The following NEGR1 variants were observed in gnomAD, a reference collection of about 807,000 sequenced individuals.
NEGR1 encodes the protein neuronal growth regulator 1, also known as IgLON family member 4.
A neutral mutation model predicts 40.9 loss-of-function variants in NEGR1; 10 were observed. That is an observed-to-expected ratio of 0.24 (90% CI 0.15 to 0.42). The LOEUF (loss-of-function observed/expected upper bound fraction) is 0.42. Among genes scored for constraint, NEGR1 ranks in the 10% least tolerant of loss-of-function variants. NEGR1 has a pLI of 1.00. For missense variants in NEGR1, 352 were observed against 438.9 expected (o/e 0.80, Z 1.77); for synonymous variants, 185 against 166.8 (o/e 1.11, Z -0.84).
intron 1 of NEGR1, among the ~76,000 whole-genome samples, chr1:72,085,696 G>A (rs547891582): frequency 3.9e-5 from 6 of 152,162 alleles, no homozygotes; most frequent in East Asian, 1.9e-4. Context: ...CCGGCCAGGC[G>A]CAGTGGCTCA....
chr1:72,113,487 T>A (rs1175811867), intron 1 of NEGR1, among the ~76,000 whole-genome samples: 2 of 151,404 alleles, frequency 1.3e-5, no homozygotes, highest in African/African-American at 4.8e-5. Context: ...GAAATATAAA[T>A]ACACTTAGAA....
intron 6 of NEGR1, among the ~76,000 whole-genome samples, chr1:71,481,753 G>C (rs920136141): frequency 7.2e-5 from 11 of 151,746 alleles, no homozygotes; most frequent in Non-Finnish European, 1.2e-4. Context: ...AGCATTTTTT[G>C]AGGTGCTATT....
chr1:72,067,150 G>T (rs970024599), intron 1 of NEGR1, among the ~76,000 whole-genome samples: 7 of 152,058 alleles, frequency 4.6e-5, no homozygotes, highest in African/African-American at 1.7e-4. Flanking sequence ...ACATGGAAAA[G>T]ATCGATTTGA....
At position 71,401,968 on chromosome 1, in the gene NEGR1, A is replaced by G. The variant is rs1173240942; in HGVS notation, c.*5478T>C. ...ACCCTCTGCAGGTATTGGAAAATAC[A>G]AGGATGTCATAAATATCTATATTTA... On this transcript the variant is annotated 3_prime_UTR_variant, in exon 7 of 7. Coordinates refer to ENST00000357731, the MANE Select transcript of NEGR1 (RefSeq NM_173808.3). The G allele has an allele frequency of 2.0e-5, 3 of 152,078 alleles. No homozygotes were observed. Among genetic ancestry groups the G allele is most frequent in the Non-Finnish European group, 4.4e-5 (3 of 68,006 alleles). 9.4% of individuals were successfully genotyped at this position (152,078 alleles called of 1,614,324 possible).
intron 1 of NEGR1, among the ~76,000 whole-genome samples, chr1:72,281,639 G>A (rs1331334239): frequency 6.6e-6 from 1 of 151,418 alleles, no homozygotes; most frequent in Admixed American, 6.6e-5. Flanking sequence ...GAGGAGGAAA[G>A]GGGATTAAAT....
At chr1:71,523,353 G>C (rs1647175556) in intron 6 of NEGR1, among the ~76,000 whole-genome samples, 1 of 151,844 alleles carries the variant, frequency 6.6e-6, no homozygotes, top group Non-Finnish European at 1.5e-5. Context: ...CTGGGTTGTT[G>C]GGTAAGTTGT....
intron 1 of NEGR1, among the ~76,000 whole-genome samples, chr1:72,184,423 C>G (rs1652534114): frequency 6.6e-6 from 1 of 151,918 alleles, no homozygotes. Context: ...TGTGCAAGAG[C>G]TTTTCACAGG....
intron 1 of NEGR1, among the ~76,000 whole-genome samples, chr1:71,950,923 C>G (rs1039182533): frequency 1.3e-5 from 2 of 151,802 alleles, no homozygotes; most frequent in Non-Finnish European, 2.9e-5. Context: ...TAATTATGAA[C>G]CTTTGAAAGA....
intron 3 of NEGR1, among the ~76,000 whole-genome samples, chr1:71,709,377 T>G (rs970781029): frequency 6.6e-6 from 1 of 152,236 alleles, no homozygotes; most frequent in Non-Finnish European, 1.5e-5. Context: ...ATTGTGTTTC[T>G]GATTTGCATT....
At chr1:71,438,719 G>A (rs1646526767) in intron 6 of NEGR1, among the ~76,000 whole-genome samples, 1 of 152,186 alleles carries the variant, frequency 6.6e-6, no homozygotes, top group African/African-American at 2.4e-5. Flanking sequence ...TATCAAAGAA[G>A]CCTAGTAATC....
At chr1:71,781,948 A>G (rs1380396692) in intron 2 of NEGR1, among the ~76,000 whole-genome samples, 1 of 152,176 alleles carries the variant, frequency 6.6e-6, no homozygotes, top group East Asian at 1.9e-4. Context: ...TTTACCACAA[A>G]GAAGAAACAG....
At chr1:71,748,816 T>C (rs568906474) in intron 3 of NEGR1, among the ~76,000 whole-genome samples, 20 of 152,256 alleles carry the variant, frequency 1.3e-4, no homozygotes, top group African/African-American at 3.4e-4. Flanking sequence ...CTCTAATGCA[T>C]AGAAGGACTG....
At chr1:71,624,871 T>C (rs1038299823) in intron 4 of NEGR1, among the ~76,000 whole-genome samples, 4 of 151,970 alleles carry the variant, frequency 2.6e-5, no homozygotes, top group African/African-American at 9.7e-5. Flanking sequence ...ACATGGTATA[T>C]ATTTACTTCT....
intron 3 of NEGR1, among the ~76,000 whole-genome samples, chr1:71,725,590 T>TA (rs546726413): frequency 2.4e-4 from 36 of 152,034 alleles, no homozygotes; most frequent in African/African-American, 5.3e-4. Flanking sequence ...ATTTTCAAAT[T>TA]AAAAAAAATA....
chr1:72,075,101 T>C (rs1311958260), intron 1 of NEGR1, among the ~76,000 whole-genome samples: 1 of 152,158 alleles, frequency 6.6e-6, no homozygotes, highest in African/African-American at 2.4e-5. Context: ...ATTTTCCTAA[T>C]AAATTAATTT....
At chr1:71,795,893 T>A (rs1198639158) in intron 2 of NEGR1, among the ~76,000 whole-genome samples, 4 of 152,182 alleles carry the variant, frequency 2.6e-5, no homozygotes, top group African/African-American at 9.7e-5. Context: ...TAAAATATAC[T>A]GTGAAATACA....
chr1:72,109,896 A>T, intron 1 of NEGR1, among the ~76,000 whole-genome samples: 1 of 151,724 alleles, frequency 6.6e-6, no homozygotes, highest in Non-Finnish European at 1.5e-5. Context: ...AAATAAAATT[A>T]TTAAACCTTC....
At chr1:71,480,748 T>C (rs1220390748) in intron 6 of NEGR1, among the ~76,000 whole-genome samples, 1 of 151,958 alleles carries the variant, frequency 6.6e-6, no homozygotes, top group African/African-American at 2.4e-5. Flanking sequence ...TTTACAATAA[T>C]AACTTATTTT....
At chr1:71,413,714 C>G (rs1214220545) in intron 6 of NEGR1, among the ~76,000 whole-genome samples, 1 of 152,040 alleles carries the variant, frequency 6.6e-6, no homozygotes, top group Non-Finnish European at 1.5e-5. Flanking sequence ...AGGTATGAAG[C>G]AAAAGTGTCC....
Sources: allele counts gnomAD v4.1 joint callset (sites outside exome capture counted in the v4.1 genomes callset), GRCh38; gene constraint gnomAD v4.1.1; transcripts MANE v1.5; gene names NCBI Gene and HGNC (gene_info 2026-07-23, HGNC 2026-07-21).